Variants in CCDC134 observed in about 807,000 individuals in gnomAD.
CCDC134 encodes coiled-coil domain-containing protein 134.
In CCDC134, 27 loss-of-function variants were observed where a neutral mutation model predicts 25.6. The ratio of observed to expected loss-of-function variants is 1.05; its 90% CI spans 0.78 to 1.45. The LOEUF is 1.45. Ranked by LOEUF, CCDC134 falls within the 40% of genes most tolerant of loss-of-function variation. The pLI, the probability that CCDC134 is intolerant of heterozygous loss-of-function variation, is 0.00. For missense variants in CCDC134, 261 were observed against 286.7 expected, an observed-to-expected ratio of 0.91 and a Z score of 0.65; for synonymous variants, 110 against 115.0, an observed-to-expected ratio of 0.96 and a Z score of 0.28.
At chr22:41,801,557 A>C (rs2076543795) in intron 1 of CCDC134, among the ~76,000 whole-genome samples, 1 of 152,132 alleles carries the variant, frequency 6.6e-6, no homozygotes, top group African/African-American at 2.4e-5. Flanking sequence ...CACATTGGTA[A>C]CATTGGGGAG....
chr22:41,801,010 C>T (rs910493569), intron 1 of CCDC134, among the ~76,000 whole-genome samples: 3 of 152,320 alleles, frequency 2.0e-5, no homozygotes, highest in East Asian at 3.9e-4. Flanking sequence ...AGTTCAGAGC[C>T]TCATGCTGAG....
chr22:41,821,313 T>G (rs1293582308), intron 6 of CCDC134, among the ~76,000 whole-genome samples: 1 of 151,742 alleles, frequency 6.6e-6, no homozygotes, highest in African/African-American at 2.4e-5. Context: ...AAGTTTTCCT[T>G]TCTTTTTTTT....
In CCDC134 at chr22:41,809,964, C is replaced by CAAGA; in HGVS notation, c.190_193dup (p.Ile65LysfsTer4). 6.2e-7 allele frequency: 1 copy of CAAGA among 1,614,162 alleles called. No homozygotes were observed. Among genetic ancestry groups the CAAGA allele is most frequent in the Non-Finnish European group, 8.5e-7 (1 of 1,180,032 alleles). ...AGCTGAACGACATCCACCAGCAGTA[C>CAAGA]AAGATCCTTGATGTCATGCTCAAGG... On this transcript the variant is annotated frameshift_variant, in exon 3 of 7. Coordinates refer to ENST00000255784, the MANE Select transcript of CCDC134 (RefSeq NM_024821.5). LOFTEE classifies it high-confidence loss of function.
In CCDC134 at chr22:41,813,720, C is replaced by T. The variant is rs551687579; in HGVS notation, c.493-31C>T. The stretch of plus-strand genomic sequence containing the variant: ...CTGGTGAGCAGGACTCAGGAGAAGG[C>T]AGATGATGACTAGTGTTTCTTCATC... On this transcript the variant is annotated intron_variant, in intron 5 of 6. Coordinates refer to ENST00000255784, the MANE Select transcript of CCDC134 (RefSeq NM_024821.5). 11 of 1,601,418 alleles carry T rather than the reference C, an allele frequency of 6.9e-6. No individual in the cohort carries two copies. The East Asian group carries it at 2.5e-4, about 36-fold the overall frequency.
chr22:41,821,299 C>T (rs1027278343), intron 6 of CCDC134, among the ~76,000 whole-genome samples: 11 of 151,178 alleles, frequency 7.3e-5, no homozygotes, highest in Admixed American at 1.3e-4. Flanking sequence ...ACAGCCCTTT[C>T]GAAAAGTTTT....
At chr22:41,806,923 T>A (rs2076570275) in intron 1 of CCDC134, among the ~76,000 whole-genome samples, 2 of 152,104 alleles carry the variant, frequency 1.3e-5, no homozygotes, top group African/African-American at 4.8e-5. Flanking sequence ...GGCAGGCAAC[T>A]GTAATCCCAG....
At chr22:41,803,604 C>CA (rs1409825721) in intron 1 of CCDC134, among the ~76,000 whole-genome samples, 1 of 151,676 alleles carries the variant, frequency 6.6e-6, no homozygotes, top group Non-Finnish European at 1.5e-5. Context: ...CTCGTCTCTA[C>CA]AAAAAATACA....
In CCDC134 at chr22:41,825,287, AC is replaced by A. The variant is rs936843223; in HGVS notation, c.565-404del. On this transcript the variant is annotated intron_variant, in intron 6 of 6. Transcript: ENST00000255784. The surrounding 1 kb of genome is among the most constrained non-coding windows in gnomAD (Gnocchi z 4.4). ...ACCGCCAATGAAGTCCTCATCCTCC[AC>A]CCCCCCACTTGCCTTGTCATCTGTG... 4.1e-5 allele frequency among the ~76,000 whole-genome samples: 6 copies of A among 147,048 alleles called. No individual in the cohort carries two copies. The highest frequency in any genetic ancestry group is 4.0e-4 in the East Asian group (2 of 5,028).
At chr22:41,813,678 A>C (rs748166264) in intron 5 of CCDC134, 73 bp from the exon 6 acceptor site, 106 of 1,490,960 alleles carry the variant, frequency 7.1e-5, no homozygotes, top group Non-Finnish European at 9.4e-5. Flanking sequence ...GGGTCCCAGC[A>C]TGGAAGGAAT....
rs890195794 is a variant in CCDC134 at position 41,831,926 on chromosome 22, G to A, written c.*6103G>A. On this transcript the variant is annotated 3_prime_UTR_variant, in exon 7 of 7. Coordinates refer to ENST00000255784, the MANE Select transcript of CCDC134 (RefSeq NM_024821.5). ...TAATCTCACTTAACCACAGCTATGA[G>A]GGATGCTATTTTATCCCCATTTTAG... is the stretch of plus-strand genomic sequence containing the variant. 1 of 152,112 alleles carries A rather than the reference G, an allele frequency of 6.6e-6. No individual in the cohort carries two copies. Among genetic ancestry groups the A allele is most frequent in the Non-Finnish European group, 1.5e-5 (1 of 68,032 alleles). 9.4% of individuals were successfully genotyped at this position (152,112 alleles called of 1,614,324 possible).
intron 6 of CCDC134, 40 bp downstream of exon 6, chr22:41,813,862 T>C (rs2076610090): frequency 6.3e-7 from 1 of 1,590,440 alleles, no homozygotes; most frequent in Non-Finnish European, 8.6e-7. Context: ...GCTTTGCCTC[T>C]GCTGGGCCAT....
chr22:41,817,769 A>T (rs2076629858), intron 6 of CCDC134, among the ~76,000 whole-genome samples: 1 of 149,470 alleles, frequency 6.7e-6, no homozygotes. Context: ...TAAATAAATA[A>T]AAAGAGAGGG....
intron 5 of CCDC134, 45 bp from the exon 6 acceptor site, chr22:41,813,706 G>A (rs371255438): frequency 1.1e-4 from 174 of 1,573,394 alleles, no homozygotes; most frequent in Non-Finnish European, 1.5e-4. Context: ...TGGTGAGCAG[G>A]ACTCAGGAGA....
At chr22:41,813,898 G>T in intron 6 of CCDC134, 76 bp downstream of exon 6, 1 of 1,404,062 alleles carries the variant, frequency 7.1e-7, no homozygotes, top group Non-Finnish European at 1.0e-6. Flanking sequence ...GCAGGGGCTG[G>T]GGACCTTGGG....
At chr22:41,816,468 CAT>C (rs1333403309) in intron 6 of CCDC134, among the ~76,000 whole-genome samples, 5 of 152,192 alleles carry the variant, frequency 3.3e-5, no homozygotes, top group Admixed American at 6.5e-5. Context: ...GTTTTCCTAT[CAT>C]GTGGATGGAA....
chr22:41,806,546 C>A (rs1232002044), intron 1 of CCDC134, among the ~76,000 whole-genome samples: 1 of 151,820 alleles, frequency 6.6e-6, no homozygotes, highest in African/African-American at 2.4e-5. Flanking sequence ...AATGGAAGTT[C>A]ATTATAATCA....
chr22:41,822,183 G>A (rs184996342), intron 6 of CCDC134, among the ~76,000 whole-genome samples: 52 of 152,240 alleles, frequency 3.4e-4, no homozygotes, highest in Non-Finnish European at 6.2e-4. Context: ...GGCTGGAGAC[G>A]TAGCATGGGG....
At chr22:41,817,381 A>T (rs2076627643) in intron 6 of CCDC134, among the ~76,000 whole-genome samples, 1 of 152,138 alleles carries the variant, frequency 6.6e-6, no homozygotes, top group Non-Finnish European at 1.5e-5. Flanking sequence ...CGAGTGAGCC[A>T]GGCTGTCTAG....
Position 41,829,154 on chromosome 22 carries a change from A to G in CCDC134, c.*3331A>G, listed in dbSNP as rs1283538554. On this transcript the variant is annotated 3_prime_UTR_variant, in exon 7 of 7. Transcript: ENST00000255784. ...CAGACATTGCCAGATGTCCACTGGGAGGGAAAACCTCTCTGGTCCACAGCC... is the reference window on the plus strand; with the variant it reads ...CAGACATTGCCAGATGTCCACTGGGGGGGAAAACCTCTCTGGTCCACAGCC... Among the ~76,000 whole-genome samples the G allele has an allele frequency of 6.6e-6, 1 of 152,156 alleles. No individual in the cohort carries two copies. Among genetic ancestry groups the G allele is most frequent in the Non-Finnish European group, 1.5e-5 (1 of 68,026 alleles).
Sources: allele counts gnomAD v4.1 joint callset (sites outside exome capture counted in the v4.1 genomes callset), GRCh38; gene constraint gnomAD v4.1.1; non-coding constraint Gnocchi (gnomAD v3.1); transcripts MANE v1.5; gene names NCBI Gene and HGNC (gene_info 2026-07-23, HGNC 2026-07-21).